PDGFC: variants seen among roughly 807,000 people sequenced by gnomAD.
PDGFC encodes platelet derived growth factor C, also known as platelet-derived growth factor C.
A neutral mutation model predicts 35.5 loss-of-function variants in PDGFC; 12 were observed. That is an observed-to-expected ratio of 0.34 (90% confidence interval 0.22 to 0.55). The LOEUF (loss-of-function observed/expected upper bound fraction) is 0.55, where lower values mean the gene tolerates loss of function less well. PDGFC is among the 20% of genes least tolerant of loss of function. The probability of loss-of-function intolerance (pLI) is 0.91; values close to 1 mark genes in which losing one functional copy is unlikely to be tolerated. For synonymous variants in PDGFC, 159 were observed against 148.8 expected, an observed-to-expected ratio of 1.07 and a Z score of -0.50; for missense variants, 322 against 412.4, an observed-to-expected ratio of 0.78 and a Z score of 1.90.
intron 3 of PDGFC, among the ~76,000 whole-genome samples, chr4:156,789,751 C>A (rs1001913177): frequency 1.2e-4 from 18 of 152,026 alleles, no homozygotes; most frequent in African/African-American, 3.4e-4. Context: ...CCGAGGCAGG[C>A]GGATCATGAG....
At chr4:156,909,042 G>T (rs937098610) in intron 1 of PDGFC, among the ~76,000 whole-genome samples, 1 of 152,124 alleles carries the variant, frequency 6.6e-6, no homozygotes, top group Admixed American at 6.6e-5. Flanking sequence ...TTTCTACAAA[G>T]TAAATCAGTA....
chr4:156,867,639 G>C (rs146028485), intron 1 of PDGFC, among the ~76,000 whole-genome samples: 4 of 152,234 alleles, frequency 2.6e-5, no homozygotes, highest in African/African-American at 9.6e-5. Flanking sequence ...AAAAAGATTA[G>C]AGAATTGAAA....
intron 3 of PDGFC, among the ~76,000 whole-genome samples, chr4:156,788,109 T>G (rs1731179540): frequency 6.6e-6 from 1 of 152,064 alleles, no homozygotes. Flanking sequence ...GCTGAGTATT[T>G]CCAGAGCGTT....
intron 4 of PDGFC, among the ~76,000 whole-genome samples, chr4:156,772,475 T>C (rs966188337): frequency 2.0e-5 from 3 of 152,174 alleles, no homozygotes; most frequent in Non-Finnish European, 2.9e-5. Flanking sequence ...TATCCCCCTT[T>C]CAATTTTCCA....
At chr4:156,848,175 C>A (rs1355708965) in intron 2 of PDGFC, among the ~76,000 whole-genome samples, 1 of 151,744 alleles carries the variant, frequency 6.6e-6, no homozygotes, top group African/African-American at 2.4e-5. Context: ...AAAAATTTCT[C>A]AACCTTATTA....
intron 1 of PDGFC, among the ~76,000 whole-genome samples, chr4:156,891,148 A>C (rs1730494779): frequency 6.6e-6 from 1 of 152,090 alleles, no homozygotes; most frequent in African/African-American, 2.4e-5. Flanking sequence ...TACAAAGGTA[A>C]GTATTTATGT....
chr4:156,923,891 T>C lies in PDGFC; in HGVS notation c.118+46895A>G, dbSNP rs1287773206. 4.6e-5 allele frequency among the ~76,000 whole-genome samples: 7 copies of C among 151,956 alleles called. No homozygotes were observed. The East Asian group carries it at 1.2e-3, about 25-fold the overall frequency. On this transcript the variant is annotated intron_variant, in intron 1 of 5. Transcript: ENST00000502773. ...AAGACAGAAAAGCAGTAAACAGGGA[T>C]ATTGGGGTTTGGGGGAACAGAGCCA...
chr4:156,896,372 T>G (rs1415149458), intron 1 of PDGFC, among the ~76,000 whole-genome samples: 1 of 152,142 alleles, frequency 6.6e-6, no homozygotes, highest in Non-Finnish European at 1.5e-5. Flanking sequence ...AAAACAACCC[T>G]GACAGGTGTG....
intron 1 of PDGFC, among the ~76,000 whole-genome samples, chr4:156,920,771 C>G (rs931538198): frequency 6.6e-6 from 1 of 151,618 alleles, no homozygotes; most frequent in Non-Finnish European, 1.5e-5. Flanking sequence ...TAAATAAAAA[C>G]TATAATTGCC....
At chr4:156,835,656 T>C (rs897544834) in intron 2 of PDGFC, among the ~76,000 whole-genome samples, 1 of 152,220 alleles carries the variant, frequency 6.6e-6, no homozygotes. Flanking sequence ...AATCCTATTA[T>C]ATTTTAAGCA....
In PDGFC at chr4:156,866,173, T is replaced by C. The variant is rs1028590785; in HGVS notation, c.119-15757A>G. Reference sequence around the variant, plus strand: ...TTCCTGTGTCCATGTGTTCTCATTGTTCAATTCCCACCCATGAGTGAGAAC... The same window carrying C: ...TTCCTGTGTCCATGTGTTCTCATTGCTCAATTCCCACCCATGAGTGAGAAC... On this transcript the variant is annotated intron_variant, in intron 1 of 5. Transcript: ENST00000502773. 2.0e-5 allele frequency among the ~76,000 whole-genome samples: 3 copies of C among 152,150 alleles called. 1 individual carries two copies. The highest frequency in any genetic ancestry group is 7.2e-5 in the African/African-American group (3 of 41,428).
At chr4:156,823,845 G>A (rs1481304040) in intron 2 of PDGFC, among the ~76,000 whole-genome samples, 2 of 152,086 alleles carry the variant, frequency 1.3e-5, no homozygotes, top group African/African-American at 2.4e-5. Context: ...GTCCATCAAC[G>A]AATAAATGGA....
intron 1 of PDGFC, among the ~76,000 whole-genome samples, chr4:156,940,387 A>C (rs1325382474): frequency 1.3e-5 from 2 of 152,146 alleles, no homozygotes; most frequent in Admixed American, 6.6e-5. Flanking sequence ...ACTCTGGACA[A>C]TTGATTTTAT....
chr4:156,929,091 A>G (rs1050504087), intron 1 of PDGFC, among the ~76,000 whole-genome samples: 1 of 152,222 alleles, frequency 6.6e-6, no homozygotes, highest in African/African-American at 2.4e-5. Context: ...TAGTCAAAGA[A>G]GCAGTAACAC....
chr4:156,854,137 CCTT>C (rs1171915095), intron 1 of PDGFC, among the ~76,000 whole-genome samples: 2 of 152,066 alleles, frequency 1.3e-5, no homozygotes, highest in Non-Finnish European at 2.9e-5. Context: ...TAAAAATAAT[CCTT>C]CTCATTTTGG....
intron 1 of PDGFC, among the ~76,000 whole-genome samples, chr4:156,855,935 T>A (rs1220341408): frequency 6.6e-6 from 1 of 152,218 alleles, no homozygotes; most frequent in Non-Finnish European, 1.5e-5. Context: ...TATTTGATTC[T>A]GTAGAGAGAA....
intron 1 of PDGFC, among the ~76,000 whole-genome samples, chr4:156,856,445 A>G (rs1579058705): frequency 6.6e-6 from 1 of 152,160 alleles, no homozygotes; most frequent in Admixed American, 6.6e-5. Context: ...ATTTGGTTTC[A>G]TTCCTGGACC....
At chr4:156,806,175 C>G (rs141467526) in intron 3 of PDGFC, among the ~76,000 whole-genome samples, 1 of 152,028 alleles carries the variant, frequency 6.6e-6, no homozygotes, top group South Asian at 2.1e-4. Context: ...AGTGATAGAA[C>G]AAATCAGGCG....
chr4:156,963,993 A>G (rs1257749682), intron 1 of PDGFC, among the ~76,000 whole-genome samples: 1 of 152,038 alleles, frequency 6.6e-6, no homozygotes, highest in Non-Finnish European at 1.5e-5. Flanking sequence ...AAAAAAAAAA[A>G]AAAAACTTGA....
Sources: allele counts gnomAD v4.1 joint callset (sites outside exome capture counted in the v4.1 genomes callset), GRCh38; gene constraint gnomAD v4.1.1; transcripts MANE v1.5; gene names NCBI Gene and HGNC (gene_info 2026-07-23, HGNC 2026-07-21).